The following KBTBD2 variants were observed in gnomAD, a reference collection of about 807,000 sequenced individuals.
KBTBD2 encodes kelch repeat and BTB domain-containing protein 2.
A neutral mutation model predicts 57.1 loss-of-function variants in KBTBD2; 17 were observed. The observed-to-expected ratio is 0.30, with a 90% confidence interval of 0.20 to 0.45. The LOEUF is 0.45. Ranked by LOEUF, KBTBD2 falls within the 20% of genes least tolerant of loss-of-function variation. KBTBD2 has a pLI of 1.00. For synonymous variants in KBTBD2, 267 were observed against 262.7 expected (o/e 1.02, Z -0.16); for missense variants, 515 against 750.6 (o/e 0.69, Z 3.67).
chr7:32,873,298 T>C (rs13244998), intron 3 of KBTBD2, among the ~76,000 whole-genome samples: 72,924 of 149,150 alleles, frequency 0.49, 19,225 homozygotes, highest in African/African-American at 0.71. Context: ...TATGGTCACA[T>C]AGCCATTATA....
chr7:32,891,780 C>G (rs916500524), upstream of KBTBD2: 1 of 151,764 alleles, frequency 6.6e-6, no homozygotes, highest in Non-Finnish European at 1.5e-5. Flanking sequence ...GCCGCACGCT[C>G]CTCAGGGCCC....
At chr7:32,891,314 C>G (rs1784733228) in intron 1 of KBTBD2, among the ~76,000 whole-genome samples, 1 of 148,540 alleles carries the variant, frequency 6.7e-6, no homozygotes, top group Non-Finnish European at 1.5e-5. Flanking sequence ...GGAGCTCCGC[C>G]GCCCTGGGGC....
chr7:32,878,158 G>A (rs908962579), intron 2 of KBTBD2, among the ~76,000 whole-genome samples: 1 of 151,866 alleles, frequency 6.6e-6, no homozygotes, highest in African/African-American at 2.4e-5. Context: ...AACAACTGGT[G>A]TTTGAGCCTT....
chr7:32,882,364 C>A (rs1413520107), intron 1 of KBTBD2, among the ~76,000 whole-genome samples: 1 of 152,138 alleles, frequency 6.6e-6, no homozygotes, highest in Admixed American at 6.5e-5. Context: ...GGTACAGGCT[C>A]ACTCTGGTCA....
At chr7:32,881,487 A>C (rs1484303634) in intron 1 of KBTBD2, among the ~76,000 whole-genome samples, 1 of 151,796 alleles carries the variant, frequency 6.6e-6, no homozygotes, top group East Asian at 1.9e-4. Flanking sequence ...TTCCTCACAA[A>C]ATACCATCCA....
chr7:32,871,741 T>C lies in KBTBD2; in HGVS notation c.337-861A>G, dbSNP rs1478414594. Among the ~76,000 whole-genome samples, 5 of 152,308 alleles carry C rather than the reference T, an allele frequency of 3.3e-5. No homozygotes were observed. In the East Asian group the frequency reaches 9.6e-4, roughly 29 times the overall value. On this transcript the variant is annotated intron_variant, in intron 3 of 3. Coordinates refer to ENST00000304056, the MANE Select transcript of KBTBD2 (RefSeq NM_015483.3). ...GGATCAGATGAGAATATATATAAAG[T>C]ATCAGTACACCATCTGGTACTGAAA...
At chr7:32,887,999 A>C (rs980879585) in intron 1 of KBTBD2, among the ~76,000 whole-genome samples, 1 of 152,200 alleles carries the variant, frequency 6.6e-6, no homozygotes, top group Non-Finnish European at 1.5e-5. Context: ...CTTTTGCAGC[A>C]CTTTCCCAAC....
At chr7:32,888,396 G>A (rs957694041) in intron 1 of KBTBD2, among the ~76,000 whole-genome samples, 5 of 152,138 alleles carry the variant, frequency 3.3e-5, no homozygotes, top group South Asian at 2.1e-4. Flanking sequence ...CCTTAGGAAG[G>A]ACAAGAGATG....
chr7:32,883,824 TC>T, intron 1 of KBTBD2, among the ~76,000 whole-genome samples: 1 of 152,136 alleles, frequency 6.6e-6, no homozygotes, highest in East Asian at 1.9e-4. Flanking sequence ...ACACTAAAGC[TC>T]CAAAACACCA....
In KBTBD2 at chr7:32,879,647, C is replaced by A; in HGVS notation, c.-43G>T. 1 of 1,539,648 alleles carries A rather than the reference C, an allele frequency of 6.5e-7. No individual in the cohort carries two copies. The highest frequency in any genetic ancestry group is 8.9e-7 in the Non-Finnish European group (1 of 1,122,484). The stretch of plus-strand genomic sequence containing the variant: ...ATCTCCAGGAACAGATTAGAAAAGT[C>A]CGTCTTACTGATGGAAGGTCAAGTG... On this transcript the variant is annotated 5_prime_UTR_variant, in exon 2 of 4. Transcript: ENST00000304056.
chr7:32,870,957 A>G (rs1240171550), intron 3 of KBTBD2, 77 bp from the exon 4 acceptor site: 1 of 820,096 alleles, frequency 1.2e-6, no homozygotes, highest in Non-Finnish European at 1.8e-6. Flanking sequence ...AGACGTAAGT[A>G]TATTAATCAG....
rs1310124099 is a variant in KBTBD2 at position 32,870,855 on chromosome 7, C to T, written c.362G>A (p.Arg121Gln). The T allele has an allele frequency of 5.1e-6, 8 of 1,583,548 alleles. No homozygotes were observed. The highest frequency in any genetic ancestry group is 4.6e-5 in the South Asian group (4 of 86,614). The stretch of plus-strand genomic sequence containing the variant: ...ATTTATTTTTTTAATTAAATATTCT[C>T]GACAACGTTGTAACACATCTTCTAC... ...LQVEDVLQRCREYLIKKINAE... is the reference protein window; with the variant it reads ...LQVEDVLQRCQEYLIKKINAE... Residue 121 changes from arginine (R) to glutamine (Q), a missense_variant, in exon 4 of 4, where the codon CGA becomes CAA. Coordinates refer to ENST00000304056, the MANE Select transcript of KBTBD2 (RefSeq NM_015483.3).
Position 32,869,582 on chromosome 7 carries a change from C to T in KBTBD2, c.1635G>A (p.Glu545=), listed in dbSNP as rs1235984850. The part of the protein sequence containing the change: ...CVFMRETHLN[E]RAKYVTYQYD... ...ATTGGTAGGTGACGTATTTAGCTCG[C>T]TCATTTAAGTGGGTTTCTCGCATAA... Residue 545 remains glutamate, a synonymous_variant, in exon 4 of 4, where the codon GAG becomes GAA. Transcript: ENST00000304056. The T allele has an allele frequency of 1.2e-6, 2 of 1,614,170 alleles. No individual in the cohort carries two copies. Among genetic ancestry groups the T allele is most frequent in the Non-Finnish European group, 1.7e-6 (2 of 1,180,026 alleles).
rs966128979 is a variant in KBTBD2 at position 32,868,750 on chromosome 7, A to C, written c.*595T>G. On this transcript the variant is annotated 3_prime_UTR_variant, in exon 4 of 4. Coordinates refer to ENST00000304056, the MANE Select transcript of KBTBD2 (RefSeq NM_015483.3). ...TATTCTAGATAGACAAGTATAAGTT[A>C]GTGAAAAGAGAATACATGCACCTAA... 2 of 152,718 alleles carry C rather than the reference A, an allele frequency of 1.3e-5. No homozygotes were observed. The highest frequency in any genetic ancestry group is 4.8e-5 in the African/African-American group (2 of 41,474). 9.5% of individuals were successfully genotyped at this position (152,718 alleles called of 1,614,324 possible). A position where few individuals can be genotyped will look rare whatever the true frequency, so the allele number is the denominator to read the frequency against.
intron 1 of KBTBD2, among the ~76,000 whole-genome samples, chr7:32,880,479 C>G (rs1562535471): frequency 6.6e-6 from 1 of 151,290 alleles, no homozygotes; most frequent in Admixed American, 6.6e-5. Flanking sequence ...ACTAGGAGAA[C>G]TATATGTAAT....
At chr7:32,887,689 A>C (rs866398588) in intron 1 of KBTBD2, among the ~76,000 whole-genome samples, 51 of 152,202 alleles carry the variant, frequency 3.4e-4, no homozygotes, top group African/African-American at 1.2e-3. Flanking sequence ...GAAGATTAAA[A>C]ATTTTTGTTG....
rs1447804356 is a variant in KBTBD2, at chr7:32,869,857, T to C, written c.1360A>G (p.Met454Val). The C allele has an allele frequency of 2.5e-6, 4 of 1,613,714 alleles. No homozygotes were observed. The highest frequency in any genetic ancestry group is 1.7e-5 in the Admixed American group (1 of 60,008). The change falls in exon 4 of 4, where the codon ATG (methionine) becomes GTG (valine). Residue 454 changes from methionine to valine, a missense_variant. By Grantham distance (21) the Met-to-Val change is conservative. Transcript: ENST00000304056. Reference sequence around the variant, plus strand: ...GCAAAGGACCTACTAGTCTGTCTCATGGCCATTTCTACCCATGAGTCAGAC... The same window carrying C: ...GCAAAGGACCTACTAGTCTGTCTCACGGCCATTTCTACCCATGAGTCAGAC... ...PRSDSWVEMA[M>V]RQTSRSFASA...
intron 2 of KBTBD2, 80 bp from the exon 3 acceptor site, chr7:32,875,237 T>C (rs1319202458): frequency 1.6e-6 from 2 of 1,248,604 alleles, no homozygotes; most frequent in Non-Finnish European, 2.3e-6. Flanking sequence ...AATTAGACAA[T>C]AAGAGGTGTT....
In KBTBD2 at chr7:32,868,243, C is replaced by T. The variant is rs1784072969; in HGVS notation, c.*1102G>A. 1 of 152,526 alleles carries T rather than the reference C, an allele frequency of 6.6e-6. No homozygotes were observed. The highest frequency in any genetic ancestry group is 2.4e-5 in the African/African-American group (1 of 41,422). The allele number at this position is 152,526 out of a possible 1,614,324, so 9.4% of individuals were successfully genotyped here. ...AGTGCCAGAACATGGTGCAGTTGAA[C>T]ATGCTAGTAATGTTTGTCATGAAGC... On this transcript the variant is annotated 3_prime_UTR_variant, in exon 4 of 4. Coordinates refer to ENST00000304056, the MANE Select transcript of KBTBD2 (RefSeq NM_015483.3).
Sources: allele counts gnomAD v4.1 joint callset (sites outside exome capture counted in the v4.1 genomes callset), GRCh38; gene constraint gnomAD v4.1.1; transcripts MANE v1.5; gene names NCBI Gene and HGNC (gene_info 2026-07-23, HGNC 2026-07-21).